Variants in SOX5 observed in about 807,000 individuals in gnomAD.
The protein encoded by SOX5 is SRY-box transcription factor 5.
Under a neutral mutation model 92.0 loss-of-function variants are expected in SOX5, and 9 were observed. That is an observed-to-expected ratio of 0.10 (90% confidence interval 0.06 to 0.17). The LOEUF is 0.17. Among genes scored for constraint, SOX5 ranks in the 10% least tolerant of loss-of-function variants. The pLI, the probability that SOX5 is intolerant of heterozygous loss-of-function variation, is 1.00. For synonymous variants in SOX5, 344 were observed against 336.3 expected, an observed-to-expected ratio of 1.02 and a Z score of -0.25; for missense variants, 642 against 944.5, an observed-to-expected ratio of 0.68 and a Z score of 4.20.
chr12:23,551,852 T>C (rs865863198), intron 11 of SOX5, among the ~76,000 whole-genome samples: 2 of 151,876 alleles, frequency 1.3e-5, no homozygotes, highest in Non-Finnish European at 2.9e-5. Context: ...GAATCTAATT[T>C]CCTTTTGTAA....
At chr12:23,572,304 A>AT (rs1948494749) in intron 10 of SOX5, among the ~76,000 whole-genome samples, 1 of 152,222 alleles carries the variant, frequency 6.6e-6, no homozygotes, top group Non-Finnish European at 1.5e-5. Context: ...TTACAACACC[A>AT]TTAATCCTCA....
chr12:24,304,327 T>A (rs1948330696), intron 2 of SOX5, among the ~76,000 whole-genome samples: 1 of 152,072 alleles, frequency 6.6e-6, no homozygotes, highest in Non-Finnish European at 1.5e-5. Flanking sequence ...GAAAATGAAG[T>A]AGAAATGGAA....
At chr12:23,871,853 T>C (rs1221737572) in intron 2 of SOX5, among the ~76,000 whole-genome samples, 1 of 152,128 alleles carries the variant, frequency 6.6e-6, no homozygotes, top group Non-Finnish European at 1.5e-5. Context: ...CTACAGTTCT[T>C]AATGGATAAG....
At chr12:23,541,124 C>T (rs1941950906) in intron 13 of SOX5, among the ~76,000 whole-genome samples, 1 of 152,124 alleles carries the variant, frequency 6.6e-6, no homozygotes. Flanking sequence ...ATAATATAAT[C>T]ATATGGTCAT....
chr12:23,683,024 C>T (rs901064321), intron 6 of SOX5, among the ~76,000 whole-genome samples: 1 of 151,776 alleles, frequency 6.6e-6, no homozygotes, highest in African/African-American at 2.4e-5. Flanking sequence ...TATATTAAAA[C>T]CACATTTATA....
chr12:24,089,685 G>A (rs1018550585), intron 4 of SOX5, among the ~76,000 whole-genome samples: 19 of 152,114 alleles, frequency 1.2e-4, no homozygotes, highest in Admixed American at 3.3e-4. Context: ...CTGGTAAAAC[G>A]CCCAGGCCTT....
chr12:24,054,416 G>A lies in SOX5; in HGVS notation c.-1-158392C>T, dbSNP rs142341872. Among the ~76,000 whole-genome samples the A allele has an allele frequency of 7.4e-4, 112 of 152,238 alleles. 1 individual carries two copies. Among genetic ancestry groups the A allele is most frequent in the Non-Finnish European group, 1.4e-3 (92 of 68,020 alleles). On this transcript the variant is annotated intron_variant, in intron 4 of 4. Coordinates refer to the SOX5 transcript ENST00000446891. ...CTTACCATAGATAGAGTCTCAACAC[G>A]CCCACTTGGGAGTTCCTTGGGCACT...
intron 3 of SOX5, among the ~76,000 whole-genome samples, chr12:23,799,069 C>G (rs2095615903): frequency 6.6e-6 from 1 of 151,970 alleles, no homozygotes; most frequent in African/African-American, 2.4e-5. Flanking sequence ...GGTCCTATCT[C>G]TTTAAGAGCT....
chr12:23,899,528 T>C (rs562510185), intron 1 of SOX5, among the ~76,000 whole-genome samples: 1 of 152,330 alleles, frequency 6.6e-6, no homozygotes, highest in African/African-American at 2.4e-5. Context: ...GGCTGGCGTA[T>C]GCTCTTATCC....
intron 4 of SOX5, among the ~76,000 whole-genome samples, chr12:23,746,134 C>T (rs749930183): frequency 4.6e-5 from 7 of 152,160 alleles, no homozygotes; most frequent in Non-Finnish European, 7.3e-5. Context: ...GTCCATCCCA[C>T]GGCTTCATCT....
intron 3 of SOX5, among the ~76,000 whole-genome samples, chr12:23,843,309 AT>A (rs1314539796): frequency 1.3e-5 from 2 of 152,172 alleles, no homozygotes; most frequent in African/African-American, 4.8e-5. Context: ...AGAAGTTTAA[AT>A]CAACTCTGGA....
intron 4 of SOX5, among the ~76,000 whole-genome samples, chr12:24,002,638 T>G (rs553829084): frequency 6.7e-6 from 1 of 149,204 alleles, no homozygotes; most frequent in South Asian, 2.2e-4. Context: ...GGCATTTTTA[T>G]AGGGAGTATG....
rs376918897 is a variant in SOX5 at position 24,157,335 on chromosome 12, T to G, written c.-2+56008A>C. On this transcript the variant is annotated intron_variant, in intron 4 of 4. Transcript: ENST00000446891. Reference sequence around the variant, plus strand: ...TAACACACTTAAATACTGCACTAAGTTAGTTCAAAGTTCAAGGTAGGTGAA... The same window carrying G: ...TAACACACTTAAATACTGCACTAAGGTAGTTCAAAGTTCAAGGTAGGTGAA... Among the ~76,000 whole-genome samples, 48 of 152,232 alleles carry G rather than the reference T, an allele frequency of 3.2e-4. 1 individual carries two copies. Among genetic ancestry groups the G allele is most frequent in the African/African-American group, 1.1e-3 (46 of 41,558 alleles).
intron 1 of SOX5, among the ~76,000 whole-genome samples, chr12:24,496,999 G>A (rs988414384): frequency 6.6e-6 from 1 of 152,172 alleles, no homozygotes; most frequent in African/African-American, 2.4e-5. Flanking sequence ...TGTACAGGAG[G>A]AATTTGTTAG....
chr12:24,028,923 A>G (rs899018715), intron 4 of SOX5, among the ~76,000 whole-genome samples: 6 of 152,070 alleles, frequency 3.9e-5, no homozygotes, highest in Admixed American at 1.3e-4. Context: ...TATGCAGAAT[A>G]CAAGAATGTT....
At chr12:23,609,161 T>C (rs890588976) in intron 8 of SOX5, among the ~76,000 whole-genome samples, 4 of 152,116 alleles carry the variant, frequency 2.6e-5, no homozygotes, top group Middle Eastern at 3.2e-3. Flanking sequence ...AAGGGAAATA[T>C]AGAGATTGGT....
chr12:23,584,706 G>T, intron 9 of SOX5: 1 of 746,796 alleles, frequency 1.3e-6, no homozygotes, highest in Non-Finnish European at 2.3e-6. Context: ...CTAAGGCACA[G>T]AACCTTGGAG....
chr12:24,475,001 C>A (rs1005244143), intron 1 of SOX5, among the ~76,000 whole-genome samples: 2 of 152,082 alleles, frequency 1.3e-5, no homozygotes, highest in African/African-American at 4.8e-5. Flanking sequence ...CAGGCACACA[C>A]CACCATGCCC....
chr12:23,884,773 G>C (rs981125429), intron 2 of SOX5, among the ~76,000 whole-genome samples: 11 of 152,108 alleles, frequency 7.2e-5, no homozygotes, highest in Admixed American at 6.5e-4. Flanking sequence ...TGTAAATTGG[G>C]GATAAACGTA....
Sources: allele counts gnomAD v4.1 joint callset (sites outside exome capture counted in the v4.1 genomes callset), GRCh38; gene constraint gnomAD v4.1.1; transcripts MANE v1.5; gene names NCBI Gene and HGNC (gene_info 2026-07-23, HGNC 2026-07-21).